Variants in MTCL2 observed in about 807,000 individuals in gnomAD.
MTCL2 encodes microtubule crosslinking factor 2, also known as microtubule cross-linking factor 2.
At chr20:36,844,641 G>T in the MTCL2 span, among the ~76,000 whole-genome samples, 1 of 151,692 alleles carries the variant, frequency 6.6e-6, no homozygotes, top group Non-Finnish European at 1.5e-5. Context: ...GTTGAACTAT[G>T]ATTGCACCAC....
the MTCL2 span, chr20:36,829,007 T>C: frequency 6.8e-7 from 1 of 1,480,860 alleles, no homozygotes; most frequent in Non-Finnish European, 9.0e-7. Flanking sequence ...GGCTTGCATG[T>C]GCCCACCTGC....
At chr20:36,805,896 G>A in the MTCL2 span, 1 of 1,613,698 alleles carries the variant, frequency 6.2e-7, no homozygotes, top group South Asian at 1.1e-5. Flanking sequence ...CTTGTTATCA[G>A]AATGCTGAGC....
the MTCL2 span, among the ~76,000 whole-genome samples, chr20:36,834,751 CA>C: frequency 6.6e-6 from 1 of 152,044 alleles, no homozygotes; most frequent in Non-Finnish European, 1.5e-5. Flanking sequence ...CCTGTAATCC[CA>C]GCACTTTGGG....
the MTCL2 span, among the ~76,000 whole-genome samples, chr20:36,790,610 A>ATT: frequency 4.5e-4 from 64 of 141,094 alleles, no homozygotes; most frequent in Middle Eastern, 8.5e-3. Flanking sequence ...AATTTTTTGT[A>ATT]TTTTTTAGTA....
At chr20:36,812,797 C>T in the MTCL2 span, 1 of 1,613,588 alleles carries the variant, frequency 6.2e-7, no homozygotes, top group Non-Finnish European at 8.5e-7. Flanking sequence ...TGCGGAAAGC[C>T]TCTCGGATCC....
the MTCL2 span, among the ~76,000 whole-genome samples, chr20:36,847,925 G>C: frequency 2.7e-5 from 4 of 150,758 alleles, no homozygotes; most frequent in East Asian, 7.8e-4. Flanking sequence ...GCTGCAAAGA[G>C]TTAGGAAGAC....
chr20:36,808,730 TG>T, the MTCL2 span: 1 of 1,594,046 alleles, frequency 6.3e-7, no homozygotes. Context: ...CGCCCTCTGC[TG>T]GTCCTCCTTC....
At chr20:36,822,950 G>A in the MTCL2 span, among the ~76,000 whole-genome samples, 1 of 152,174 alleles carries the variant, frequency 6.6e-6, no homozygotes, top group African/African-American at 2.4e-5. Flanking sequence ...GTAGAAATGG[G>A]ATTTCGCCAT....
At chr20:36,818,852 C>G in the MTCL2 span, among the ~76,000 whole-genome samples, 3 of 152,206 alleles carry the variant, frequency 2.0e-5, no homozygotes, top group East Asian at 5.8e-4. Flanking sequence ...GGCCAGCAGA[C>G]CTGTAGGAAA....
the MTCL2 span, among the ~76,000 whole-genome samples, chr20:36,803,310 T>C: frequency 6.6e-6 from 1 of 152,224 alleles, no homozygotes; most frequent in Non-Finnish European, 1.5e-5. Context: ...AAGAGCTCTT[T>C]CTATAAGCCA....
the MTCL2 span, among the ~76,000 whole-genome samples, chr20:36,820,024 G>A: frequency 6.6e-6 from 1 of 152,170 alleles, no homozygotes; most frequent in Non-Finnish European, 1.5e-5. Flanking sequence ...GCAGACCCCC[G>A]TATAGCATGC....
the MTCL2 span, chr20:36,862,624 C>T: frequency 1.1e-5 from 16 of 1,477,782 alleles, no homozygotes; most frequent in South Asian, 1.7e-4. Context: ...GCCGGCGACC[C>T]CTGCGACCTC....
the MTCL2 span, among the ~76,000 whole-genome samples, chr20:36,857,197 T>C: frequency 2.6e-5 from 4 of 152,272 alleles, 1 homozygote; most frequent in East Asian, 1.9e-4. Context: ...TTCTGATAAG[T>C]CTGAGTGTGT....
At chr20:36,789,117 C>G in the MTCL2 span, among the ~76,000 whole-genome samples, 1 of 152,160 alleles carries the variant, frequency 6.6e-6, no homozygotes, top group Non-Finnish European at 1.5e-5. Flanking sequence ...CCATAGGCTA[C>G]CTTCGTAAAA....
At chr20:36,795,412 C>T in the MTCL2 span, among the ~76,000 whole-genome samples, 1 of 152,166 alleles carries the variant, frequency 6.6e-6, no homozygotes, top group African/African-American at 2.4e-5. Context: ...TTCACCTATA[C>T]ACCTAAAACT....
At chr20:36,821,964 A>C in the MTCL2 span, among the ~76,000 whole-genome samples, 2 of 152,358 alleles carry the variant, frequency 1.3e-5, no homozygotes, top group South Asian at 4.1e-4. Context: ...CAGCAGGCAG[A>C]GAAAAGGTGT....
At chr20:36,858,947 C>T in the MTCL2 span, among the ~76,000 whole-genome samples, 14 of 152,112 alleles carry the variant, frequency 9.2e-5, no homozygotes, top group Admixed American at 3.9e-4. Flanking sequence ...CCCACGACCA[C>T]GCCTGGGTAA....
chr20:36,781,728 AAAAT>A, the MTCL2 span: 1 of 151,270 alleles, frequency 6.6e-6, no homozygotes, highest in Admixed American at 6.6e-5. Context: ...AATAAAATAA[AAAAT>A]AAATCTAAAA....
chr20:36,850,205 A>ACTGCCTGGGC, the MTCL2 span, among the ~76,000 whole-genome samples: 14 of 151,622 alleles, frequency 9.2e-5, no homozygotes, highest in African/African-American at 3.4e-4. Flanking sequence ...ACTGCCTGGG[A>ACTGCCTGGGC]CTCCTACTCC....
Sources: allele counts gnomAD v4.1 joint callset (sites outside exome capture counted in the v4.1 genomes callset), GRCh38; gene constraint gnomAD v4.1.1; transcripts MANE v1.5; gene names NCBI Gene and HGNC (gene_info 2026-07-23, HGNC 2026-07-21).